Variants in COL26A1 observed in about 807,000 individuals in gnomAD.
COL26A1 encodes collagen type XXVI alpha 1 chain.
In COL26A1, 41 loss-of-function variants were observed where a neutral mutation model predicts 59.3. The observed-to-expected ratio is 0.69, with a 90% CI of 0.54 to 0.90. The LOEUF is 0.90. COL26A1 is among the 40% of genes least tolerant of loss of function. The pLI is 0.00. For missense variants in COL26A1, 612 were observed against 602.3 expected (o/e 1.02, Z -0.17); for synonymous variants, 266 against 256.0 (o/e 1.04, Z -0.37).
At chr7:101,424,356 G>A (rs528684456) in intron 2 of COL26A1, among the ~76,000 whole-genome samples, 64 of 152,168 alleles carry the variant, frequency 4.2e-4, no homozygotes, top group Non-Finnish European at 6.9e-4. Flanking sequence ...CCGGCACTTT[G>A]GGGGGCCAAG....
At chr7:101,513,060 G>A (rs144223238) in intron 3 of COL26A1, among the ~76,000 whole-genome samples, 6,413 of 151,996 alleles carry the variant, frequency 0.042, 471 homozygotes, top group African/African-American at 0.15. Context: ...AGACTAGAGT[G>A]CAATGGCATG....
intron 9 of COL26A1, 46 bp from the exon 10 acceptor site, chr7:101,551,060 CTT>C (rs1795849687): frequency 2.6e-6 from 4 of 1,548,586 alleles, no homozygotes; most frequent in Admixed American, 2.0e-5. Context: ...GCACTGGAGA[CTT>C]GGCCAGGACC....
chr7:101,496,896 A>G (rs1794601203), intron 3 of COL26A1, among the ~76,000 whole-genome samples: 1 of 151,710 alleles, frequency 6.6e-6, no homozygotes, highest in Admixed American at 6.6e-5. Flanking sequence ...AAAAAAAAAA[A>G]AGAATTCAGG....
intron 3 of COL26A1, among the ~76,000 whole-genome samples, chr7:101,513,522 T>C (rs1447975847): frequency 6.6e-6 from 1 of 151,060 alleles, no homozygotes; most frequent in Non-Finnish European, 1.5e-5. Context: ...TTTGTATTTT[T>C]TTAGTAGAGA....
intron 3 of COL26A1, among the ~76,000 whole-genome samples, chr7:101,487,668 C>T (rs779120066): frequency 2.0e-5 from 3 of 152,178 alleles, no homozygotes; most frequent in Non-Finnish European, 2.9e-5. Context: ...AGACCCTCGG[C>T]CACTCTGGCC....
chr7:101,371,989 A>C (rs1791205993), intron 1 of COL26A1, among the ~76,000 whole-genome samples: 1 of 152,170 alleles, frequency 6.6e-6, no homozygotes, highest in Non-Finnish European at 1.5e-5. Context: ...GAATGACTTC[A>C]GTACTTCATT....
intron 3 of COL26A1, among the ~76,000 whole-genome samples, chr7:101,458,148 G>A (rs1034949771): frequency 2.6e-5 from 4 of 151,922 alleles, no homozygotes; most frequent in African/African-American, 9.7e-5. Context: ...TGCCTGGCTC[G>A]GCCTTCTGAA....
At chr7:101,374,467 A>G (rs1791262978) in intron 1 of COL26A1, among the ~76,000 whole-genome samples, 1 of 152,204 alleles carries the variant, frequency 6.6e-6, no homozygotes, top group Non-Finnish European at 1.5e-5. Flanking sequence ...CTGAAGCTTC[A>G]TCTCTACAGC....
At position 101,544,001 on chromosome 7, in the gene COL26A1, C is replaced by T. The variant is rs950356475; in HGVS notation, c.608C>T (p.Pro203Leu). ...CCCTGTCTCCTTCTCTCCCCAGGGC[C>T]CCCGGGGCAGACAGGACCACCAGGG... ...RQRRPTGPAG[P>L]PGQTGPPGPA... The change falls in exon 6 of 13, where the codon CCC (proline) becomes CTC (leucine). Residue 203 changes from proline (P) to leucine (L), a missense_variant. By Grantham distance (98) the Pro-to-Leu change is moderately conservative. Transcript: ENST00000313669. 22 of 1,565,296 alleles carry T rather than the reference C, an allele frequency of 1.4e-5. No homozygotes were observed. The Admixed American group carries it at 2.8e-4, about 20-fold the overall frequency.
chr7:101,369,209 C>A (rs1470462668), intron 1 of COL26A1, among the ~76,000 whole-genome samples: 1 of 151,926 alleles, frequency 6.6e-6, no homozygotes, highest in Non-Finnish European at 1.5e-5. Context: ...GAGTTCGAGA[C>A]CAGCCTGGCC....
At chr7:101,402,814 CCCCTCCCCTT>C (rs1792047785) in intron 1 of COL26A1, among the ~76,000 whole-genome samples, 1 of 143,978 alleles carries the variant, frequency 6.9e-6, no homozygotes, top group African/African-American at 2.6e-5. Context: ...CCCCTCTCCT[CCCCTCCCCTT>C]TCCTTTTCTT....
rs545522542 is a variant in COL26A1 at position 101,525,338 on chromosome 7, T to C, written c.386-7744T>C. 6.2e-5 allele frequency among the ~76,000 whole-genome samples: 9 copies of C among 145,284 alleles called. No individual in the cohort carries two copies. In the South Asian group the frequency reaches 1.6e-3, roughly 25 times the overall value. ...CTGGGACTACAGGCGTGTGCCGCCATGCCCAGCTAATTTTTTGTATTTTTA... is the reference window on the plus strand; with the variant it reads ...CTGGGACTACAGGCGTGTGCCGCCACGCCCAGCTAATTTTTTGTATTTTTA... On this transcript the variant is annotated intron_variant, in intron 3 of 12. Transcript: ENST00000313669.
At chr7:101,387,296 C>G (rs1298303596) in intron 1 of COL26A1, among the ~76,000 whole-genome samples, 2 of 149,908 alleles carry the variant, frequency 1.3e-5, no homozygotes, top group Non-Finnish European at 2.9e-5. Context: ...AGCCCATAGC[C>G]CAGCAGGCTC....
chr7:101,467,802 G>A (rs1372658492), intron 3 of COL26A1, among the ~76,000 whole-genome samples: 2 of 152,166 alleles, frequency 1.3e-5, no homozygotes, highest in Non-Finnish European at 2.9e-5. Flanking sequence ...GGGAAGCAGG[G>A]CTTGCAGTGA....
chr7:101,530,804 A>G (rs1474732012), intron 3 of COL26A1, among the ~76,000 whole-genome samples: 1 of 152,044 alleles, frequency 6.6e-6, no homozygotes, highest in Non-Finnish European at 1.5e-5. Flanking sequence ...AGTGGCTCCC[A>G]GTCTCCATCC....
At chr7:101,456,167 TA>T (rs71525805) in intron 3 of COL26A1, among the ~76,000 whole-genome samples, 3,650 of 101,628 alleles carry the variant, frequency 0.036, 70 homozygotes, top group South Asian at 0.054. Context: ...TATATATATA[TA>T]TTTTTTTTTT....
intron 2 of COL26A1, among the ~76,000 whole-genome samples, chr7:101,446,678 C>A (rs564950698): frequency 6.6e-6 from 1 of 152,110 alleles, no homozygotes; most frequent in Non-Finnish European, 1.5e-5. Context: ...GAAACCCTGT[C>A]TCTACCAAAA....
intron 2 of COL26A1, among the ~76,000 whole-genome samples, chr7:101,446,656 C>A (rs958602766): frequency 5.9e-5 from 9 of 152,026 alleles, no homozygotes; most frequent in African/African-American, 2.2e-4. Context: ...AGAGCAGCCT[C>A]ACAAACATGG....
At chr7:101,536,414 C>T (rs927109812) in intron 4 of COL26A1, among the ~76,000 whole-genome samples, 8 of 152,352 alleles carry the variant, frequency 5.3e-5, no homozygotes, top group Admixed American at 2.0e-4. Flanking sequence ...GACAGCCCAG[C>T]GGCACCAGAG....
Sources: gnomAD v4.1 joint callset for allele counts (sites outside exome capture counted in the v4.1 genomes callset) on GRCh38, gnomAD v4.1.1 for gene constraint, MANE v1.5 for transcripts, NCBI Gene and HGNC (gene_info 2026-07-23, HGNC 2026-07-21) for gene names.